The following ZSWIM1 variants were observed in gnomAD, a reference collection of about 807,000 sequenced individuals.
ZSWIM1 encodes the protein zinc finger SWIM domain-containing protein 1.
In ZSWIM1, 22 loss-of-function variants were observed where a neutral mutation model predicts 29.3. The observed-to-expected ratio is 0.75, with a 90% CI of 0.54 to 1.07. ZSWIM1 has a LOEUF of 1.07. ZSWIM1 is among the 50% of genes least tolerant of loss of function. The pLI is 0.00. For synonymous variants in ZSWIM1, 228 were observed against 240.8 expected (o/e 0.95, Z 0.49); for missense variants, 511 against 596.2 (o/e 0.86, Z 1.49).
chr20:45,882,459 A>G (rs1430503806), intron 1 of ZSWIM1, 74 bp from the exon 2 acceptor site: 2 of 1,107,976 alleles, frequency 1.8e-6, no homozygotes, highest in African/African-American at 1.6e-5. Context: ...TAAGTGTTCA[A>G]CAAATATTGT....
At chr20:45,880,925 T>G (rs1248097468), upstream of ZSWIM1, among the ~76,000 whole-genome samples, 1 of 152,144 alleles carries the variant, frequency 6.6e-6, no homozygotes, top group Non-Finnish European at 1.5e-5. Flanking sequence ...TGCTATTTAT[T>G]TTCCTTTTCA....
At chr20:45,881,789 A>C (rs1986271890) in intron 1 of ZSWIM1, among the ~76,000 whole-genome samples, 1 of 152,258 alleles carries the variant, frequency 6.6e-6, no homozygotes, top group African/African-American at 2.4e-5. Flanking sequence ...TATACATACC[A>C]GGACCAAAGG....
rs71181872 is a variant in ZSWIM1, at chr20:45,884,105, T to TACACACACACACACACACACACAC, written c.*70_*93dup. 2.9e-6 allele frequency: 3 copies of TACACACACACACACACACACACAC among 1,027,430 alleles called. No homozygotes were observed. In the African/African-American group the frequency reaches 5.3e-5, roughly 18 times the overall value. 63.6% of individuals were successfully genotyped at this position (1,027,430 alleles called of 1,614,324 possible). The stretch of plus-strand genomic sequence containing the variant: ...ACCTGTGCACACTCACATCCACCCA[T>TACACACACACACACACACACACAC]ACACACACACACACACACACACACA... On this transcript the variant is annotated 3_prime_UTR_variant, in exon 2 of 2. Transcript: ENST00000372523.
Position 45,882,649 on chromosome 20 carries a change from C to T in ZSWIM1, c.57C>T (p.Asp19=), listed in dbSNP as rs1986302148. ...WSAALQRKYF[D]LGIWTAPISP... is the part of the protein sequence containing the mutation. ...CTGCCCTGCAAAGAAAGTATTTTGA[C>T]CTTGGCATTTGGACAGCTCCCATCT... The change falls in exon 2 of 2, where the codon GAC becomes GAT. Residue 19 remains aspartate, a synonymous_variant. Coordinates refer to ENST00000372523, the MANE Select transcript of ZSWIM1 (RefSeq NM_080603.5). 3.1e-6 allele frequency: 5 copies of T among 1,614,060 alleles called. No individual in the cohort carries two copies. The highest frequency in any genetic ancestry group is 4.2e-6 in the Non-Finnish European group (5 of 1,180,048).
Position 45,883,905 on chromosome 20 carries a change from A to C in ZSWIM1, c.1313A>C (p.Asp438Ala). The C allele has an allele frequency of 1.2e-6, 2 of 1,614,088 alleles. No individual in the cohort carries two copies. Among genetic ancestry groups the C allele is most frequent in the Non-Finnish European group, 1.7e-6 (2 of 1,180,024 alleles). ...GGCAGCAAGTGGAGTGAGACCCTGGATAAGCACCTGGCAGTGACTCACCTC... is the reference window on the plus strand; with the variant it reads ...GGCAGCAAGTGGAGTGAGACCCTGGCTAAGCACCTGGCAGTGACTCACCTC... Reference protein sequence around the residue: ...ILGSKWSETLDKHLAVTHLTE... With the variant: ...ILGSKWSETLAKHLAVTHLTE... The change falls in exon 2 of 2, where the codon GAT becomes GCT. Residue 438 changes from aspartate (D) to alanine (A), a missense_variant. Asp to Ala is a moderately radical substitution (Grantham distance 126, BLOSUM62 -2). Transcript: ENST00000372523.
intron 1 of ZSWIM1, 140 bp from the exon 2 acceptor site, chr20:45,882,393 C>G (rs886074561): frequency 3.3e-6 from 2 of 608,152 alleles, no homozygotes; most frequent in African/African-American, 3.7e-5. Context: ...TATATATTTG[C>G]TTATTTGTTT....
rs1133368 is a variant in ZSWIM1, at chr20:45,884,364, T to C, written c.*314T>C. 0.091 allele frequency: 5,297 copies of C among 58,128 alleles called. 389 individuals are homozygous for C. The highest frequency in any genetic ancestry group is 0.1 in the African/African-American group (2,372 of 22,918). The allele number at this position is 58,128 out of a possible 1,614,324, so 3.6% of individuals were successfully genotyped here. A position where few individuals can be genotyped will look rare whatever the true frequency, so the allele number is the denominator to read the frequency against. Reference sequence around the variant, plus strand: ...TGTTTTAATATTTTTTTTCTTTTTTTTTTTTTTTTTTTTTTTGAGAAGGAG... The same window carrying C: ...TGTTTTAATATTTTTTTTCTTTTTTCTTTTTTTTTTTTTTTTGAGAAGGAG... On this transcript the variant is annotated 3_prime_UTR_variant, in exon 2 of 2. Coordinates refer to ENST00000372523, the MANE Select transcript of ZSWIM1 (RefSeq NM_080603.5).
intron 1 of ZSWIM1, among the ~76,000 whole-genome samples, chr20:45,881,595 G>A (rs181952511): frequency 6.6e-6 from 1 of 152,236 alleles, no homozygotes; most frequent in African/African-American, 2.4e-5. Context: ...ACAGTAACTC[G>A]GTCTGGGGCC....
chr20:45,884,084 G>A lies in ZSWIM1; in HGVS notation c.*34G>A. The A allele has an allele frequency of 1.3e-6, 2 of 1,574,434 alleles. No individual in the cohort carries two copies. The highest frequency in any genetic ancestry group is 2.0e-4 in the Middle Eastern group (1 of 4,918). On this transcript the variant is annotated 3_prime_UTR_variant, in exon 2 of 2. Coordinates refer to ENST00000372523, the MANE Select transcript of ZSWIM1 (RefSeq NM_080603.5). ...GATGCCCAGAGATGCTCATGCACCT[G>A]TGCACACTCACATCCACCCATACAC... is the stretch of plus-strand genomic sequence containing the variant.
In ZSWIM1 at chr20:45,883,449, T is replaced by C; in HGVS notation, c.857T>C (p.Met286Thr). The C allele has an allele frequency of 6.2e-7, 1 of 1,614,242 alleles. No individual in the cohort carries two copies. Among genetic ancestry groups the C allele is most frequent in the East Asian group, 2.2e-5 (1 of 44,888 alleles). Residue 286 changes from methionine (M) to threonine (T), a missense_variant, in exon 2 of 2, where the codon ATG becomes ACG. Physicochemically the swap from Met to Thr is moderately conservative, Grantham distance 81. Coordinates refer to ENST00000372523, the MANE Select transcript of ZSWIM1 (RefSeq NM_080603.5). Reference protein sequence around the residue: ...KQGMASLFRYMQQNSADKANF... With the variant: ...KQGMASLFRYTQQNSADKANF... Reference sequence around the variant, plus strand: ...GGTATGGCTTCTCTGTTCCGTTACATGCAGCAGAACTCTGCAGACAAGGCA... The same window carrying C: ...GGTATGGCTTCTCTGTTCCGTTACACGCAGCAGAACTCTGCAGACAAGGCA...
chr20:45,884,134 A>C lies in ZSWIM1; in HGVS notation c.*84A>C. 1.4e-6 allele frequency: 2 copies of C among 1,447,518 alleles called. No individual in the cohort carries two copies. The highest frequency in any genetic ancestry group is 1.9e-6 in the Non-Finnish European group (2 of 1,069,940). The allele number at this position is 1,447,518 out of a possible 1,614,324, so 89.7% of individuals were successfully genotyped here. A position where few individuals can be genotyped will look rare whatever the true frequency, so the allele number is the denominator to read the frequency against. The stretch of plus-strand genomic sequence containing the variant: ...CACACACACACACACACACACACAC[A>C]CACACACACTCCCTTACACTGTTGT... On this transcript the variant is annotated 3_prime_UTR_variant, in exon 2 of 2. Transcript: ENST00000372523.
chr20:45,884,005 A>C lies in ZSWIM1; in HGVS notation c.1413A>C (p.Glu471Asp), dbSNP rs200121464. 78 of 1,613,472 alleles carry C rather than the reference A, an allele frequency of 4.8e-5. No homozygotes were observed. The highest frequency in any genetic ancestry group is 6.5e-5 in the Non-Finnish European group (77 of 1,179,764). The change falls in exon 2 of 2, where the codon GAA becomes GAC. Residue 471 changes from glutamate (E) to aspartate (D), a missense_variant. Physicochemically the swap from Glu to Asp is conservative, Grantham distance 45. Transcript: ENST00000372523. Reference protein sequence around the residue: ...EFERRYSTLRELADSWIGPYE... With the variant: ...EFERRYSTLRDLADSWIGPYE... ...AGCGGAGGTATAGCACCCTGCGGGA[A>C]CTGGCCGACAGCTGGATTGGGCCTT...
rs1246829010 is a variant in ZSWIM1 at position 45,884,360 on chromosome 20, T to TC, written c.*310_*311insC. On this transcript the variant is annotated 3_prime_UTR_variant, in exon 2 of 2. Transcript: ENST00000372523. Reference sequence around the variant, plus strand: ...GTTTTGTTTTAATATTTTTTTTCTTTTTTTTTTTTTTTTTTTTTTTGAGAA... The same window carrying TC: ...GTTTTGTTTTAATATTTTTTTTCTTTCTTTTTTTTTTTTTTTTTTTTGAGAA... 1.2e-4 allele frequency: 13 copies of TC among 108,048 alleles called. No individual in the cohort carries two copies. The Admixed American group carries it at 1.4e-3, about 12-fold the overall frequency. 6.7% of individuals were successfully genotyped at this position (108,048 alleles called of 1,614,324 possible).
Position 45,883,817 on chromosome 20 carries a change from CAGCCCGACATGCT to C in ZSWIM1, c.1226_1238del (p.Gln409ArgfsTer13). On this transcript the variant is annotated frameshift_variant, in exon 2 of 2. Coordinates refer to ENST00000372523, the MANE Select transcript of ZSWIM1 (RefSeq NM_080603.5). LOFTEE classifies it high-confidence loss of function. The stretch of plus-strand genomic sequence containing the variant: ...GCTCAGTGCCCGCCGCCAGGTGCTC[CAGCCCGACATGCT>C]GCCGGCTCAGTGGACGGCAGGCTGT... 6.2e-7 allele frequency: 1 copy of C among 1,613,638 alleles called. No individual in the cohort carries two copies. The highest frequency in any genetic ancestry group is 8.5e-7 in the Non-Finnish European group (1 of 1,180,018).
At chr20:45,881,334 G>C (rs998449200) in intron 1 of ZSWIM1, 73 bp downstream of exon 1, 1 of 152,292 alleles carries the variant, frequency 6.6e-6, no homozygotes, top group African/African-American at 2.4e-5. Flanking sequence ...AGCTCCCAAA[G>C]GGATGGGAGG....
Position 45,882,596 on chromosome 20 carries a change from C to A in ZSWIM1, c.4C>A (p.Leu2Ile). 6.2e-7 allele frequency: 1 copy of A among 1,611,556 alleles called. No individual in the cohort carries two copies. Among genetic ancestry groups the A allele is most frequent in the Admixed American group, 1.7e-5 (1 of 59,742 alleles). Residue 2 changes from leucine (L) to isoleucine (I), a missense_variant, in exon 2 of 2, where the codon CTT (leucine) becomes ATT (isoleucine). By Grantham distance (5) the Leu-to-Ile change is conservative (BLOSUM62 2). Coordinates refer to ENST00000372523, the MANE Select transcript of ZSWIM1 (RefSeq NM_080603.5). ...GCCTCCAGCCTCAACTTACTTGATG[C>A]TTGAGAGACTCAAAGCCCCGTGGTC... The part of the protein sequence containing the change: M[L>I]ERLKAPWSAA...
Position 45,882,888 on chromosome 20 carries a change from G to C in ZSWIM1, c.296G>C (p.Gly99Ala). The part of the protein sequence containing the change: ...GKVLYTFLVD[G>A]PRVQLEGHLA... ...GTCTTATATACCTTCCTGGTGGATG[G>C]ACCTCGGGTGCAGCTGGAGGGTCAT... The change falls in exon 2 of 2, where the codon GGA becomes GCA. Residue 99 changes from glycine (G) to alanine (A), a missense_variant. Coordinates refer to ENST00000372523, the MANE Select transcript of ZSWIM1 (RefSeq NM_080603.5). The C allele has an allele frequency of 1.9e-6, 3 of 1,614,192 alleles. No homozygotes were observed. The highest frequency in any genetic ancestry group is 2.5e-6 in the Non-Finnish European group (3 of 1,180,036).
rs1250023798 is a variant in ZSWIM1, at chr20:45,883,459, C to T, written c.867C>T (p.Asn289=). The T allele has an allele frequency of 3.1e-6, 5 of 1,614,114 alleles. No homozygotes were observed. The highest frequency in any genetic ancestry group is 1.3e-5 in the African/African-American group (1 of 74,942). Residue 289 remains asparagine (N), a synonymous_variant, in exon 2 of 2, where the codon AAC becomes AAT. Coordinates refer to ENST00000372523, the MANE Select transcript of ZSWIM1 (RefSeq NM_080603.5). ...MASLFRYMQQ[N]SADKANFNQG... is the part of the protein sequence containing the mutation. ...CTCTGTTCCGTTACATGCAGCAGAACTCTGCAGACAAGGCAAACTTCAACC... is the reference window on the plus strand; with the variant it reads ...CTCTGTTCCGTTACATGCAGCAGAATTCTGCAGACAAGGCAAACTTCAACC...
At chr20:45,881,793 C>G (rs1986272072) in intron 1 of ZSWIM1, among the ~76,000 whole-genome samples, 1 of 152,160 alleles carries the variant, frequency 6.6e-6, no homozygotes, top group Middle Eastern at 3.4e-3. Flanking sequence ...CATACCAGGA[C>G]CAAAGGAAAG....
Sources: gnomAD v4.1 joint callset for allele counts (sites outside exome capture counted in the v4.1 genomes callset) on GRCh38, gnomAD v4.1.1 for gene constraint, MANE v1.5 for transcripts, NCBI Gene and HGNC (gene_info 2026-07-23, HGNC 2026-07-21) for gene names.